S100A6: variants seen among roughly 807,000 people sequenced by gnomAD.
S100A6 encodes the protein protein S100-A6.
A neutral mutation model predicts 3.5 loss-of-function variants in S100A6; 3 were observed. The ratio of observed to expected loss-of-function variants is 0.87; its 90% CI spans 0.39 to 2.24. The LOEUF is 2.24. S100A6 is among the 30% of genes most tolerant of loss of function. The probability of loss-of-function intolerance (pLI) is 0.05; values close to 1 mark genes in which losing one functional copy is unlikely to be tolerated. For missense variants in S100A6, 114 were observed against 105.3 expected (o/e 1.08, Z -0.36); for synonymous variants, 48 against 45.2 (o/e 1.06, Z -0.25).
chr1:153,535,417 C>A, intron 1 of S100A6, 57 bp from the exon 2 acceptor site: 2 of 1,558,962 alleles, frequency 1.3e-6, no homozygotes, highest in Non-Finnish European at 1.7e-6. Flanking sequence ...ACCCACACAC[C>A]CCAATAATGC....
rs751914243 is a variant in S100A6, at chr1:153,534,864, G to A, written c.139-34C>T. ...TTAGAATGTGAAATCCATACTCAGTGGTGATGACAACCCTGGATTCTTCCC... is the reference window on the plus strand; with the variant it reads ...TTAGAATGTGAAATCCATACTCAGTAGTGATGACAACCCTGGATTCTTCCC... On this transcript the variant is annotated intron_variant, in intron 2 of 2. Coordinates refer to ENST00000368719, the MANE Select transcript of S100A6 (RefSeq NM_014624.4). The A allele has an allele frequency of 5.0e-6, 8 of 1,597,490 alleles. No homozygotes were observed. The East Asian group carries it at 1.6e-4, about 31-fold the overall frequency.
intron 1 of S100A6, 27 bp from the exon 2 acceptor site, chr1:153,535,387 C>T (rs1365288879): frequency 6.2e-7 from 1 of 1,606,208 alleles, no homozygotes; most frequent in Middle Eastern, 1.8e-4. Context: ...TAGTCAGTGC[C>T]ATGGGAGCAA....
chr1:153,535,059 C>T lies in S100A6; in HGVS notation c.138+143G>A, dbSNP rs73024438. ...TCCCCTACCCGCTGGGAGAGTGGGTCTACAGCTCAGGGTCTACATGTGGAC... is the reference window on the plus strand; with the variant it reads ...TCCCCTACCCGCTGGGAGAGTGGGTTTACAGCTCAGGGTCTACATGTGGAC... On this transcript the variant is annotated intron_variant, in intron 2 of 2. Coordinates refer to ENST00000368719, the MANE Select transcript of S100A6 (RefSeq NM_014624.4). 2,812 of 1,246,532 alleles carry T rather than the reference C, an allele frequency of 2.3e-3. 53 individuals carry two copies. In the African/African-American group the frequency reaches 0.036, roughly 16 times the overall value. The allele number at this position is 1,246,532 out of a possible 1,614,324, so 77.2% of individuals were successfully genotyped here.
rs768324240 is a variant in S100A6 at position 153,535,197 on chromosome 1, C to T, written c.138+5G>A. On this transcript the variant is annotated splice_donor_5th_base_variant and intron_variant, in intron 2 of 2. Coordinates refer to ENST00000368719, the MANE Select transcript of S100A6 (RefSeq NM_014624.4). ...AAAAGGGGTCCTGGGGAGGAGGCCA[C>T]TCACCGAGCCAATGGTGAGCTCCTT... 1.9e-6 allele frequency: 3 copies of T among 1,614,096 alleles called. No individual in the cohort carries two copies. Among genetic ancestry groups the T allele is most frequent in the South Asian group, 2.2e-5 (2 of 91,086 alleles).
Position 153,535,304 on chromosome 1 carries a change from G to A in S100A6, c.36C>T (p.Leu12=), listed in dbSNP as rs149877775. ...CGGAGTACTTGTGGAAGATGGCCACGAGGAGGCCAATGGCCTGATCCAGGG... is the reference window on the plus strand; with the variant it reads ...CGGAGTACTTGTGGAAGATGGCCACAAGGAGGCCAATGGCCTGATCCAGGG... ...ACPLDQAIGL[L]VAIFHKYSGR... is the part of the protein sequence containing the mutation. The change falls in exon 2 of 3, where the codon CTC becomes CTT. Residue 12 remains leucine, a synonymous_variant. Transcript: ENST00000368719. 7.4e-5 allele frequency: 119 copies of A among 1,614,142 alleles called. No homozygotes were observed. In the African/African-American group the frequency reaches 1.2e-3, roughly 17 times the overall value.
rs1406907074 is a variant in S100A6, at chr1:153,534,667, G to T, written c.*29C>A. On this transcript the variant is annotated 3_prime_UTR_variant, in exon 3 of 3. Transcript: ENST00000368719. Reference sequence around the variant, plus strand: ...GGATTTGACTCAGAGAGGACCCCCAGAGGGTGTCTCCATCTTCCCTATTTA... The same window carrying T: ...GGATTTGACTCAGAGAGGACCCCCATAGGGTGTCTCCATCTTCCCTATTTA... 13 of 1,571,502 alleles carry T rather than the reference G, an allele frequency of 8.3e-6. No homozygotes were observed. The highest frequency in any genetic ancestry group is 1.1e-5 in the Non-Finnish European group (13 of 1,159,750).
rs1326067637 is a variant in S100A6, at chr1:153,534,768, C to T, written c.201G>A (p.Glu67=). Residue 67 remains glutamate (E), a synonymous_variant, in exon 3 of 3, where the codon GAG becomes GAA. Transcript: ENST00000368719. ...AGGTGACATACTCCTGGAAGTTCAC[C>T]TCCTGGTCCTTGTTCCGGTCCAAGT... ...MEDLDRNKDQ[E]VNFQEYVTFL... is the part of the protein sequence containing the mutation. 2 of 1,613,950 alleles carry T rather than the reference C, an allele frequency of 1.2e-6. No individual in the cohort carries two copies. The highest frequency in any genetic ancestry group is 8.5e-7 in the Non-Finnish European group (1 of 1,179,976).
Position 153,534,979 on chromosome 1 carries a change from G to A in S100A6, c.139-149C>T, listed in dbSNP as rs892621305. ...GTCACTTTGGCATTGCTTCTCCTCA[G>A]CTACTTCTCAGTTACTGGTCCTCAT... On this transcript the variant is annotated intron_variant, in intron 2 of 2. Transcript: ENST00000368719. The A allele has an allele frequency of 4.3e-6, 5 of 1,167,708 alleles. No individual in the cohort carries two copies. The African/African-American group carries it at 7.7e-5, about 18-fold the overall frequency. 72.3% of individuals were successfully genotyped at this position (1,167,708 alleles called of 1,614,324 possible). A position where few individuals can be genotyped will look rare whatever the true frequency, so the allele number is the denominator to read the frequency against.
chr1:153,535,303 C>T lies in S100A6; in HGVS notation c.37G>A (p.Val13Met), dbSNP rs1665150475. 3.7e-6 allele frequency: 6 copies of T among 1,614,020 alleles called. No individual in the cohort carries two copies. Among genetic ancestry groups the T allele is most frequent in the South Asian group, 1.1e-5 (1 of 91,090 alleles). The change falls in exon 2 of 3, where the codon GTG (valine) becomes ATG (methionine). Residue 13 changes from valine to methionine, a missense_variant. By Grantham distance (21) the Val-to-Met change is conservative (BLOSUM62 1). Coordinates refer to ENST00000368719, the MANE Select transcript of S100A6 (RefSeq NM_014624.4). ...CPLDQAIGLL[V>M]AIFHKYSGRE... Reference sequence around the variant, plus strand: ...CCGGAGTACTTGTGGAAGATGGCCACGAGGAGGCCAATGGCCTGATCCAGG... The same window carrying T: ...CCGGAGTACTTGTGGAAGATGGCCATGAGGAGGCCAATGGCCTGATCCAGG...
In S100A6 at chr1:153,534,707, G is replaced by T. The variant is rs780400536; in HGVS notation, c.262C>A (p.Leu88Ile). 6.2e-7 allele frequency: 1 copy of T among 1,609,222 alleles called. No individual in the cohort carries two copies. The highest frequency in any genetic ancestry group is 1.3e-5 in the African/African-American group (1 of 74,670). ...GALALIYNEA[L>I]KG ...TTCCCTATTTATTTTCAGCCCTTGA[G>T]GGCTTCATTGTAGATCAAAGCCAAG... The change falls in exon 3 of 3, where the codon CTC becomes ATC. Residue 88 changes from leucine (L) to isoleucine (I), a missense_variant. Transcript: ENST00000368719.
intron 2 of S100A6, 120 bp from the exon 3 acceptor site, chr1:153,534,950 C>A: frequency 1.5e-6 from 2 of 1,331,770 alleles, no homozygotes; most frequent in East Asian, 4.6e-5. Context: ...CACCAAGGAC[C>A]CATGTCACTT....
intron 2 of S100A6, 157 bp downstream of exon 2, chr1:153,535,045 C>T: frequency 6.0e-6 from 7 of 1,174,100 alleles, no homozygotes; most frequent in Non-Finnish European, 8.3e-6. Context: ...CCCCTACCCG[C>T]TGGGAGAGTG....
At chr1:153,535,028 G>A in intron 2 of S100A6, 174 bp downstream of exon 2, 2 of 1,124,616 alleles carry the variant, frequency 1.8e-6, no homozygotes, top group Non-Finnish European at 2.5e-6. Context: ...TATCCGGCTG[G>A]AAGCATCCCC....
In S100A6 at chr1:153,534,656, G is replaced by A. The variant is rs774238992; in HGVS notation, c.*40C>T. 3 of 1,534,082 alleles carry A rather than the reference G, an allele frequency of 2.0e-6. No individual in the cohort carries two copies. The highest frequency in any genetic ancestry group is 2.6e-6 in the Non-Finnish European group (3 of 1,141,942). ...TACCCACCACTGGATTTGACTCAGA[G>A]AGGACCCCCAGAGGGTGTCTCCATC... On this transcript the variant is annotated 3_prime_UTR_variant, in exon 3 of 3. Transcript: ENST00000368719.
chr1:153,534,708 G>A lies in S100A6; in HGVS notation c.261C>T (p.Ala87=), dbSNP rs1021315184. 1 of 1,609,478 alleles carries A rather than the reference G, an allele frequency of 6.2e-7. No individual in the cohort carries two copies. The highest frequency in any genetic ancestry group is 8.5e-7 in the Non-Finnish European group (1 of 1,177,982). ...LGALALIYNE[A]LKG ...TCCCTATTTATTTTCAGCCCTTGAG[G>A]GCTTCATTGTAGATCAAAGCCAAGG... Residue 87 remains alanine, a synonymous_variant, in exon 3 of 3, where the codon GCC becomes GCT. Transcript: ENST00000368719.
Position 153,535,251 on chromosome 1 carries a change from C to T in S100A6, c.89G>A (p.Ser30Asn), listed in dbSNP as rs1207431922. 4 of 1,614,194 alleles carry T rather than the reference C, an allele frequency of 2.5e-6. No homozygotes were observed. The highest frequency in any genetic ancestry group is 1.6e-4 in the Middle Eastern group (1 of 6,062). Reference protein sequence around the residue: ...SGREGDKHTLSKKELKELIQK... With the variant: ...SGREGDKHTLNKKELKELIQK... ...GATCAGCTCCTTCAGCTCCTTCTTG[C>T]TCAGGGTGTGCTTGTCACCCTCCCT... The change falls in exon 2 of 3, where the codon AGC (serine) becomes AAC (asparagine). Residue 30 changes from serine to asparagine, a missense_variant. Coordinates refer to ENST00000368719, the MANE Select transcript of S100A6 (RefSeq NM_014624.4).
Position 153,535,653 on chromosome 1 carries a change from AG to A in S100A6, c.-21-294del, listed in dbSNP as rs1665162061. The A allele has an allele frequency of 1.1e-5, 3 of 280,098 alleles. No homozygotes were observed. The East Asian group carries it at 2.2e-4, about 21-fold the overall frequency. 17.4% of individuals were successfully genotyped at this position (280,098 alleles called of 1,614,324 possible). On this transcript the variant is annotated intron_variant, in intron 1 of 2. Coordinates refer to ENST00000368719, the MANE Select transcript of S100A6 (RefSeq NM_014624.4). ...GTTGAGGAGTATGGCTGGGCAGGGG[AG>A]GGGAATGGAGGCTGCAAAGGCAGCT...
At chr1:153,534,989 A>C (rs1292846043) in intron 2 of S100A6, 159 bp from the exon 3 acceptor site, 1 of 1,127,410 alleles carries the variant, frequency 8.9e-7, no homozygotes, top group Non-Finnish European at 1.3e-6. Context: ...GCTACTTCTC[A>C]GTTACTGGTC....
Position 153,534,826 on chromosome 1 carries a change from A to G in S100A6, c.143T>C (p.Leu48Pro). Residue 48 changes from leucine to proline, a missense_variant, in exon 3 of 3, where the codon CTG becomes CCG. By Grantham distance (98) the Leu-to-Pro change is moderately conservative. Coordinates refer to ENST00000368719, the MANE Select transcript of S100A6 (RefSeq NM_014624.4). Reference protein sequence around the residue: ...IQKELTIGSKLQDAEIARLME... With the variant: ...IQKELTIGSKPQDAEIARLME... ...CAGCCTTGCAATTTCAGCATCCTGCAGCTTCTAATGTGTTAGAATGTGAAA... is the reference window on the plus strand; with the variant it reads ...CAGCCTTGCAATTTCAGCATCCTGCGGCTTCTAATGTGTTAGAATGTGAAA... 6.2e-7 allele frequency: 1 copy of G among 1,612,150 alleles called. No individual in the cohort carries two copies. The highest frequency in any genetic ancestry group is 8.5e-7 in the Non-Finnish European group (1 of 1,179,496).
Sources: gnomAD v4.1 joint callset for allele counts on GRCh38, gnomAD v4.1.1 for gene constraint, MANE v1.5 for transcripts, NCBI Gene and HGNC (gene_info 2026-07-23, HGNC 2026-07-21) for gene names.